The following TYR variants were observed in gnomAD, a reference collection of about 807,000 sequenced individuals.
TYR encodes tyrosinase, also known as LB24-AB.
A neutral mutation model predicts 51.5 loss-of-function variants in TYR; 58 were observed. That is an observed-to-expected ratio of 1.13 (90% CI 0.91 to 1.40). The LOEUF is 1.40. Among genes scored for constraint, TYR ranks in the 40% most tolerant of loss-of-function variants. The probability of loss-of-function intolerance (pLI) is 0.00; values close to 1 mark genes in which losing one functional copy is unlikely to be tolerated. For missense variants in TYR, 732 were observed against 647.4 expected (o/e 1.13, Z -1.42); for synonymous variants, 263 against 235.2 (o/e 1.12, Z -1.08).
At chr11:89,208,849 AG>A (rs1242267130) in intron 2 of TYR, among the ~76,000 whole-genome samples, 1 of 152,230 alleles carries the variant, frequency 6.6e-6, no homozygotes, top group African/African-American at 2.4e-5. Flanking sequence ...TACTTTATAA[AG>A]AAAGATTTTC....
chr11:89,257,536 A>G (rs1944407819), intron 3 of TYR, among the ~76,000 whole-genome samples: 1 of 152,042 alleles, frequency 6.6e-6, no homozygotes, highest in Admixed American at 6.6e-5. Context: ...AGGGAATTAT[A>G]AGATTAAATA....
chr11:89,277,780 T>G (rs1944673363), intron 3 of TYR, among the ~76,000 whole-genome samples: 1 of 151,632 alleles, frequency 6.6e-6, no homozygotes, highest in African/African-American at 2.4e-5. Context: ...CCAGACATCA[T>G]CTATTTTCCT....
intron 2 of TYR, among the ~76,000 whole-genome samples, chr11:89,201,652 CAGA>C (rs1163088683): frequency 1.3e-4 from 20 of 152,128 alleles, no homozygotes; most frequent in Non-Finnish European, 2.6e-4. Context: ...GCTAAGACAC[CAGA>C]AGATTTGCCC....
intron 2 of TYR, among the ~76,000 whole-genome samples, chr11:89,218,263 T>C (rs77911164): frequency 1.3e-5 from 2 of 152,168 alleles, no homozygotes; most frequent in African/African-American, 4.8e-5. Flanking sequence ...CAACTAAAGC[T>C]ACATGTTTTA....
At chr11:89,197,733 GTGAC>G (rs1210486206) in intron 2 of TYR, among the ~76,000 whole-genome samples, 4 of 152,198 alleles carry the variant, frequency 2.6e-5, no homozygotes, top group East Asian at 1.9e-4. Context: ...GAAGCTCTCG[GTGAC>G]TGACTGTAAG....
intron 3 of TYR, among the ~76,000 whole-genome samples, chr11:89,238,696 C>A (rs563259974): frequency 3.0e-4 from 46 of 152,142 alleles, no homozygotes; most frequent in African/African-American, 1.1e-3. Flanking sequence ...CTACTTTTTG[C>A]CATGAAGTAT....
At chr11:89,279,614 T>C (rs1449559080) in intron 3 of TYR, among the ~76,000 whole-genome samples, 2 of 151,762 alleles carry the variant, frequency 1.3e-5, no homozygotes, top group African/African-American at 4.8e-5. Context: ...ATTATTATGC[T>C]TTTCTTTGTT....
chr11:89,184,491 T>A (rs1015340288), intron 1 of TYR, among the ~76,000 whole-genome samples: 2 of 152,164 alleles, frequency 1.3e-5, no homozygotes, highest in African/African-American at 2.4e-5. Context: ...GTAGTGGGTA[T>A]TGCTTCAGAA....
Position 89,227,820 on chromosome 11 carries a change from C to G in TYR, c.1037-3C>G, listed in dbSNP as rs779929859. ...ATTTTTTTCATTTTTTTTTAATGAA[C>G]AGGATTTGCTAGTCCACTTACTGGG... On this transcript the variant is annotated splice_polypyrimidine_tract_variant and splice_region_variant and intron_variant, in intron 2 of 4. Coordinates refer to ENST00000263321, the MANE Select transcript of TYR (RefSeq NM_000372.5). 2.5e-6 allele frequency: 4 copies of G among 1,611,012 alleles called. No homozygotes were observed. Among genetic ancestry groups the G allele is most frequent in the Non-Finnish European group, 1.7e-6 (2 of 1,178,946 alleles).
chr11:89,289,020 CT>C (rs1473946978), intron 4 of TYR, among the ~76,000 whole-genome samples: 1 of 151,926 alleles, frequency 6.6e-6, no homozygotes, highest in African/African-American at 2.4e-5. Flanking sequence ...AACTTTTTCT[CT>C]TATAATTGAA....
At chr11:89,202,208 G>T (rs1943606278) in intron 2 of TYR, among the ~76,000 whole-genome samples, 3 of 152,032 alleles carry the variant, frequency 2.0e-5, no homozygotes, top group African/African-American at 4.8e-5. Context: ...TGTGGGGGCA[G>T]GGTAAAAGGT....
At chr11:89,209,203 G>A (rs1378191289) in intron 2 of TYR, among the ~76,000 whole-genome samples, 1 of 152,238 alleles carries the variant, frequency 6.6e-6, no homozygotes, top group African/African-American at 2.4e-5. Flanking sequence ...AGCTGTGAGT[G>A]ACTGTACCTG....
intron 2 of TYR, among the ~76,000 whole-genome samples, chr11:89,199,426 TA>T (rs1943568453): frequency 6.6e-6 from 1 of 152,158 alleles, no homozygotes; most frequent in Non-Finnish European, 1.5e-5. Context: ...CACTCTGAAT[TA>T]AAAGGTGCAG....
chr11:89,257,020 C>T (rs547372769), intron 3 of TYR, among the ~76,000 whole-genome samples: 2 of 152,018 alleles, frequency 1.3e-5, no homozygotes, highest in African/African-American at 4.8e-5. Flanking sequence ...AATGCTGATT[C>T]TTGGTGTGCT....
At chr11:89,182,424 GTATAA>G (rs1423536240) in intron 1 of TYR, among the ~76,000 whole-genome samples, 1 of 152,074 alleles carries the variant, frequency 6.6e-6, no homozygotes, top group East Asian at 1.9e-4. Context: ...TCAAATTTGG[GTATAA>G]TATATCTTGT....
chr11:89,281,218 A>G (rs903007321), intron 3 of TYR, among the ~76,000 whole-genome samples: 1 of 151,556 alleles, frequency 6.6e-6, no homozygotes, highest in African/African-American at 2.4e-5. Context: ...ACTTCCCCTT[A>G]GGTGAGACAG....
At chr11:89,257,543 A>G (rs1331229989) in intron 3 of TYR, among the ~76,000 whole-genome samples, 2 of 151,980 alleles carry the variant, frequency 1.3e-5, no homozygotes, top group Non-Finnish European at 2.9e-5. Flanking sequence ...TATAAGATTA[A>G]ATATCGTTGA....
At chr11:89,181,687 T>A (rs1269334475) in intron 1 of TYR, among the ~76,000 whole-genome samples, 1 of 152,166 alleles carries the variant, frequency 6.6e-6, no homozygotes, top group African/African-American at 2.4e-5. Context: ...AGCTGAGAGA[T>A]CTTCAATTTT....
At chr11:89,202,210 G>A (rs1359849282) in intron 2 of TYR, among the ~76,000 whole-genome samples, 1 of 152,014 alleles carries the variant, frequency 6.6e-6, no homozygotes, top group Non-Finnish European at 1.5e-5. Flanking sequence ...TGGGGGCAGG[G>A]TAAAAGGTGT....
Sources: gnomAD v4.1 joint callset for allele counts (sites outside exome capture counted in the v4.1 genomes callset) on GRCh38, gnomAD v4.1.1 for gene constraint, MANE v1.5 for transcripts, NCBI Gene and HGNC (gene_info 2026-07-23, HGNC 2026-07-21) for gene names.